The following ZBTB8A variants were observed in gnomAD, a reference collection of about 807,000 sequenced individuals.
ZBTB8A encodes zinc finger and BTB domain containing 8A.
ZBTB8A carries 19 observed loss-of-function variants against 37.8 expected under a neutral mutation model. The observed-to-expected ratio is 0.50, with a 90% CI of 0.35 to 0.74. The LOEUF (loss-of-function observed/expected upper bound fraction) is 0.74. Ranked by LOEUF, ZBTB8A falls within the 30% of genes least tolerant of loss-of-function variation. ZBTB8A has a pLI of 0.01. For missense variants in ZBTB8A, 394 were observed against 537.8 expected, an observed-to-expected ratio of 0.73 and a Z score of 2.65; for synonymous variants, 181 against 185.2, an observed-to-expected ratio of 0.98 and a Z score of 0.19.
At chr1:32,569,543 G>A (rs992096275) in intron 2 of ZBTB8A, among the ~76,000 whole-genome samples, 6 of 151,324 alleles carry the variant, frequency 4.0e-5, no homozygotes, top group Non-Finnish European at 5.9e-5. Flanking sequence ...ACAGGCGCCC[G>A]TCACCATGCC....
At position 32,582,249 on chromosome 1, in the gene ZBTB8A, G is replaced by A. The variant is rs371909301; in HGVS notation, c.-1-10682G>A. Reference sequence around the variant, plus strand: ...GCTCACTGGAGCATTTTGGATTTTGGATTTTCCAATTAGGGATGCTGAACC... The same window carrying A: ...GCTCACTGGAGCATTTTGGATTTTGAATTTTCCAATTAGGGATGCTGAACC... On this transcript the variant is annotated intron_variant, in intron 2 of 4. Coordinates refer to ENST00000373510, the MANE Select transcript of ZBTB8A (RefSeq NM_001040441.3). 1.2e-4 allele frequency among the ~76,000 whole-genome samples: 19 copies of A among 152,128 alleles called. No individual in the cohort carries two copies. The East Asian group carries it at 3.3e-3, about 26-fold the overall frequency.
chr1:32,585,914 A>G (rs1644444849), intron 2 of ZBTB8A, among the ~76,000 whole-genome samples: 1 of 151,644 alleles, frequency 6.6e-6, no homozygotes, highest in African/African-American at 2.4e-5. Context: ...GAGGCAGGAG[A>G]ATTGCTTGAA....
At chr1:32,584,170 T>C (rs976604688) in intron 2 of ZBTB8A, among the ~76,000 whole-genome samples, 4 of 152,036 alleles carry the variant, frequency 2.6e-5, no homozygotes, top group Non-Finnish European at 5.9e-5. Context: ...AAGGAACACC[T>C]AGGGCCACCA....
At chr1:32,554,245 T>C (rs918851493) in intron 2 of ZBTB8A, among the ~76,000 whole-genome samples, 1 of 151,554 alleles carries the variant, frequency 6.6e-6, no homozygotes, top group African/African-American at 2.4e-5. Context: ...TTGTAGATTT[T>C]ATATATCAGA....
In ZBTB8A at chr1:32,593,705, T is replaced by A. The variant is rs754140112; in HGVS notation, c.774T>A (p.Val258=). 1.1e-5 allele frequency: 18 copies of A among 1,614,146 alleles called. No individual in the cohort carries two copies. In the East Asian group the frequency reaches 1.8e-4, roughly 16 times the overall value. Residue 258 remains valine (V), a synonymous_variant, in exon 3 of 5, where the codon GTT becomes GTA. Coordinates refer to ENST00000373510, the MANE Select transcript of ZBTB8A (RefSeq NM_001040441.3). ...QIDAEMDSTP[V]GYQYGQGSDV... is the part of the protein sequence containing the mutation. Reference sequence around the variant, plus strand: ...ATGCTGAAATGGACTCTACTCCTGTTGGCTATCAGTACGGTCAAGGATCTG... The same window carrying A: ...ATGCTGAAATGGACTCTACTCCTGTAGGCTATCAGTACGGTCAAGGATCTG...
At chr1:32,597,271 A>T (rs2148253956) in intron 4 of ZBTB8A, among the ~76,000 whole-genome samples, 1 of 152,306 alleles carries the variant, frequency 6.6e-6, no homozygotes, top group African/African-American at 2.4e-5. Context: ...CTGGGATTAC[A>T]GGCGTGAGCC....
intron 2 of ZBTB8A, among the ~76,000 whole-genome samples, chr1:32,576,845 G>T (rs537961976): frequency 6.6e-6 from 1 of 150,902 alleles, no homozygotes; most frequent in African/African-American, 2.4e-5. Context: ...GATTACAGGC[G>T]TGAGCCACCA....
chr1:32,540,701 A>C (rs528020226), intron 1 of ZBTB8A, among the ~76,000 whole-genome samples: 6 of 152,252 alleles, frequency 3.9e-5, no homozygotes, highest in Non-Finnish European at 8.8e-5. Context: ...CAAAATCCTC[A>C]ACAAGCTTCT....
chr1:32,597,995 C>G (rs1320826585), intron 4 of ZBTB8A, among the ~76,000 whole-genome samples: 1 of 150,792 alleles, frequency 6.6e-6, no homozygotes, highest in East Asian at 1.9e-4. Context: ...CTCAAGTGAT[C>G]CACCCACCTC....
chr1:32,584,520 T>C (rs1051120195), intron 2 of ZBTB8A, among the ~76,000 whole-genome samples: 5 of 147,430 alleles, frequency 3.4e-5, no homozygotes, highest in Non-Finnish European at 7.5e-5. Context: ...TTTTTTTTTT[T>C]TTTTTTTTTG....
intron 1 of ZBTB8A, among the ~76,000 whole-genome samples, chr1:32,549,755 A>G (rs1288611075): frequency 6.6e-6 from 1 of 152,064 alleles, no homozygotes; most frequent in African/African-American, 2.4e-5. Flanking sequence ...AAATAAAAGG[A>G]AACAACCCTG....
chr1:32,600,970 G>C lies in ZBTB8A; in HGVS notation c.*551G>C, dbSNP rs956453404. On this transcript the variant is annotated 3_prime_UTR_variant, in exon 5 of 5. Transcript: ENST00000373510. ...TACTCTGATATCCTGAACGTTTAAG[G>C]ATTATGGAAGAAGACTAAAGTGTTT... The C allele has an allele frequency of 6.6e-6, 1 of 152,000 alleles. No homozygotes were observed. The highest frequency in any genetic ancestry group is 1.5e-5 in the Non-Finnish European group (1 of 68,176). 9.4% of individuals were successfully genotyped at this position (152,000 alleles called of 1,614,324 possible). A position where few individuals can be genotyped will look rare whatever the true frequency, so the allele number is the denominator to read the frequency against.
At position 32,593,504 on chromosome 1, in the gene ZBTB8A, G is replaced by T. The variant is rs535227635; in HGVS notation, c.573G>T (p.Lys191Asn). ...ATAATTATCATCCAGCCTCCCAGAA[G>T]AATACTCAACAACCCTTGGCCAAGC... ...NKYNYHPASQ[K>N]NTQQPLAKHE... Residue 191 changes from lysine to asparagine, a missense_variant, in exon 3 of 5, where the codon AAG becomes AAT. Coordinates refer to ENST00000373510, the MANE Select transcript of ZBTB8A (RefSeq NM_001040441.3). The T allele has an allele frequency of 1.5e-5, 25 of 1,614,096 alleles. No homozygotes were observed. The East Asian group carries it at 4.2e-4, about 27-fold the overall frequency.
Position 32,593,270 on chromosome 1 carries a change from A to G in ZBTB8A, c.339A>G (p.Val113=). The change falls in exon 3 of 5, where the codon GTA becomes GTG. Residue 113 remains valine, a synonymous_variant. Transcript: ENST00000373510. ...TTCAGATGACTGATGTCATAAGTGT[A>G]TGTAAGACTTTTATTAAATCTTCCT... ...SFLQMTDVIS[V]CKTFIKSSLD... is the part of the protein sequence containing the mutation. 1 of 1,614,162 alleles carries G rather than the reference A, an allele frequency of 6.2e-7. No homozygotes were observed. The highest frequency in any genetic ancestry group is 8.5e-7 in the Non-Finnish European group (1 of 1,180,038).
intron 2 of ZBTB8A, among the ~76,000 whole-genome samples, chr1:32,576,882 T>TA (rs1288029281): frequency 6.7e-6 from 1 of 149,328 alleles, no homozygotes; most frequent in Non-Finnish European, 1.5e-5. Flanking sequence ...TTTTTTTTCT[T>TA]TTTTTTTTGA....
At chr1:32,594,235 A>T (rs1215314535) in intron 3 of ZBTB8A, among the ~76,000 whole-genome samples, 1 of 151,854 alleles carries the variant, frequency 6.6e-6, no homozygotes, top group East Asian at 1.9e-4. Context: ...TAAAACGTGG[A>T]TTTAAATTTT....
chr1:32,570,316 CATAGTT>C (rs1644314773), intron 2 of ZBTB8A, among the ~76,000 whole-genome samples: 1 of 152,104 alleles, frequency 6.6e-6, no homozygotes, highest in Non-Finnish European at 1.5e-5. Flanking sequence ...TCTTGGTTAC[CATAGTT>C]ATAGTAAGTC....
At chr1:32,539,812 C>T (rs1367877852) in intron 1 of ZBTB8A, among the ~76,000 whole-genome samples, 1 of 3,774 alleles carries the variant, frequency 2.6e-4, no homozygotes, top group Non-Finnish European at 6.7e-4. Context: ...CCGGCCCGGC[C>T]CGGGGAAAGG....
intron 4 of ZBTB8A, among the ~76,000 whole-genome samples, chr1:32,595,988 G>A (rs551163044): frequency 6.6e-6 from 1 of 152,026 alleles, no homozygotes; most frequent in South Asian, 2.1e-4. Flanking sequence ...AATATGTACA[G>A]TTGGCCAGGC....
Sources: allele counts gnomAD v4.1 joint callset (sites outside exome capture counted in the v4.1 genomes callset), GRCh38; gene constraint gnomAD v4.1.1; transcripts MANE v1.5; gene names NCBI Gene and HGNC (gene_info 2026-07-23, HGNC 2026-07-21).